RB1: variants seen among roughly 807,000 people sequenced by gnomAD.
The protein encoded by RB1 is retinoblastoma-associated protein.
Under a neutral mutation model 135.4 loss-of-function variants are expected in RB1, and 18 were observed. The observed-to-expected ratio is 0.13, with a 90% CI of 0.09 to 0.20. The LOEUF (loss-of-function observed/expected upper bound fraction) is 0.20. RB1 is among the 10% of genes least tolerant of loss of function. The pLI is 1.00. For missense variants in RB1, 868 were observed against 1,110.0 expected (o/e 0.78, Z 3.10); for synonymous variants, 365 against 373.2 (o/e 0.98, Z 0.25).
At chr13:48,309,040 C>G (rs1483824372) in intron 2 of RB1, among the ~76,000 whole-genome samples, 1 of 151,944 alleles carries the variant, frequency 6.6e-6, no homozygotes, top group Non-Finnish European at 1.5e-5. Context: ...TTTTTTCCAA[C>G]TTTTTGATGC....
intron 17 of RB1, among the ~76,000 whole-genome samples, chr13:48,382,641 G>A (rs967023465): frequency 1.7e-4 from 26 of 152,124 alleles, no homozygotes; most frequent in Admixed American, 3.3e-4. Flanking sequence ...CCATTCTGTA[G>A]GTTGCCTGTT....
chr13:48,389,766 T>A, intron 17 of RB1: 1 of 152,230 alleles, frequency 6.6e-6, no homozygotes, highest in Non-Finnish European at 1.5e-5. Context: ...CTTCCTCCCA[T>A]CCTCCCTCCC....
chr13:48,412,636 A>G, intron 17 of RB1: 1 of 593,376 alleles, frequency 1.7e-6, no homozygotes, highest in Non-Finnish European at 3.1e-6. Flanking sequence ...CAACAGGAAA[A>G]TATTTTCATT....
At chr13:48,444,891 C>T in intron 17 of RB1, 1 of 152,140 alleles carries the variant, frequency 6.6e-6, no homozygotes, top group East Asian at 1.9e-4. Context: ...CCCCTGAGGC[C>T]TACCACACCA....
chr13:48,426,067 G>T (rs1343686137), intron 17 of RB1, among the ~76,000 whole-genome samples: 3 of 152,126 alleles, frequency 2.0e-5, no homozygotes, highest in African/African-American at 4.8e-5. Context: ...AAAGCACTGT[G>T]ACCTAGAGAT....
intron 26 of RB1, among the ~76,000 whole-genome samples, chr13:48,479,556 C>T (rs984562952): frequency 1.3e-5 from 2 of 151,716 alleles, no homozygotes; most frequent in South Asian, 2.1e-4. Flanking sequence ...TACATACATA[C>T]GTATTTTTGT....
chr13:48,480,021 A>G lies in RB1; in HGVS notation c.2737A>G (p.Lys913Glu). ...EMTSTRTRMQ[K>E]QKMNDSMDTS... ...AGCTTCTACTCGAACACGAATGCAA[A>G]AGCAGAAAATGAATGATAGCATGGA... Residue 913 changes from lysine (K) to glutamate (E), a missense_variant, in exon 27 of 27, where the codon AAG becomes GAG. Coordinates refer to ENST00000267163, the MANE Select transcript of RB1 (RefSeq NM_000321.3). 6.2e-7 allele frequency: 1 copy of G among 1,613,500 alleles called. No homozygotes were observed. The highest frequency in any genetic ancestry group is 8.5e-7 in the Non-Finnish European group (1 of 1,179,590).
chr13:48,313,096 T>G (rs971889497), intron 2 of RB1, among the ~76,000 whole-genome samples: 1 of 152,180 alleles, frequency 6.6e-6, no homozygotes, highest in Non-Finnish European at 1.5e-5. Context: ...CTGTGTTCTC[T>G]TCCCTTCCAT....
chr13:48,346,098 T>A, intron 4 of RB1, among the ~76,000 whole-genome samples: 3 of 71,566 alleles, frequency 4.2e-5, no homozygotes, highest in Non-Finnish European at 3.2e-5. Context: ...GCATTGGCCA[T>A]CTTTTTTTTT....
rs1199382891 is a variant in RB1, at chr13:48,320,561, A to C, written c.264+13155A>C. On this transcript the variant is annotated intron_variant, in intron 2 of 26. Coordinates refer to ENST00000267163, the MANE Select transcript of RB1 (RefSeq NM_000321.3). Reference sequence around the variant, plus strand: ...ACTCAAAAGGTTGGCAGCGGGGTGCAGTGGCTCAAGCCCGTAATCACAGCA... The same window carrying C: ...ACTCAAAAGGTTGGCAGCGGGGTGCCGTGGCTCAAGCCCGTAATCACAGCA... 4 of 460,668 alleles carry C rather than the reference A, an allele frequency of 8.7e-6. No individual in the cohort carries two copies. In the Admixed American group the frequency reaches 1.4e-4, roughly 16 times the overall value. 28.5% of individuals were successfully genotyped at this position (460,668 alleles called of 1,614,324 possible).
At chr13:48,323,042 TG>T (rs1437446317) in intron 2 of RB1, among the ~76,000 whole-genome samples, 1 of 152,130 alleles carries the variant, frequency 6.6e-6, no homozygotes, top group Non-Finnish European at 1.5e-5. Flanking sequence ...CAGAATGGAC[TG>T]GGAAGTGTTC....
chr13:48,361,276 CT>C (rs1467582197), intron 7 of RB1, among the ~76,000 whole-genome samples: 1 of 151,996 alleles, frequency 6.6e-6, no homozygotes, highest in South Asian at 2.1e-4. Flanking sequence ...TCTAAGTGCT[CT>C]GTTAAAGAGC....
chr13:48,371,418 G>A (rs1593450575), intron 11 of RB1, among the ~76,000 whole-genome samples: 1 of 152,144 alleles, frequency 6.6e-6, no homozygotes, highest in Non-Finnish European at 1.5e-5. Flanking sequence ...TGAGGAATAT[G>A]CCTAGGCCTT....
intron 17 of RB1, among the ~76,000 whole-genome samples, chr13:48,413,436 G>A (rs1948853586): frequency 1.3e-5 from 2 of 152,056 alleles, no homozygotes; most frequent in Admixed American, 1.3e-4. Context: ...TTCGTGTTTG[G>A]GATATGACAA....
intron 21 of RB1, among the ~76,000 whole-genome samples, chr13:48,464,489 A>C (rs1949424397): frequency 6.6e-6 from 1 of 152,246 alleles, no homozygotes; most frequent in Non-Finnish European, 1.5e-5. Flanking sequence ...AGTGAAATCT[A>C]ACTATCACTA....
At chr13:48,460,225 C>G (rs1949396420) in intron 20 of RB1, among the ~76,000 whole-genome samples, 1 of 151,900 alleles carries the variant, frequency 6.6e-6, no homozygotes, top group South Asian at 2.1e-4. Context: ...TACCTAAGGC[C>G]TCCCAAAGTG....
chr13:48,476,816 T>C lies in RB1; in HGVS notation c.2636T>C (p.Ile879Thr), dbSNP rs764140783. 1.9e-6 allele frequency: 3 copies of C among 1,613,562 alleles called. No individual in the cohort carries two copies. The highest frequency in any genetic ancestry group is 1.6e-4 in the Middle Eastern group (1 of 6,084). ...PKPLKKLRFD[I>T]EGSDEADGSK... is the part of the protein sequence containing the mutation. ...CCACTGAAAAAACTACGCTTTGATA[T>C]TGAAGGATCAGATGAAGCAGATGGA... is the stretch of plus-strand genomic sequence containing the variant. The change falls in exon 25 of 27, where the codon ATT becomes ACT. Residue 879 changes from isoleucine (I) to threonine (T), a missense_variant. Ile to Thr is a moderately conservative substitution (Grantham distance 89, BLOSUM62 -1). Transcript: ENST00000267163.
chr13:48,416,026 CTG>C (rs1175785091), intron 17 of RB1, among the ~76,000 whole-genome samples: 1 of 151,992 alleles, frequency 6.6e-6, no homozygotes, highest in South Asian at 2.1e-4. Flanking sequence ...CTCAGGCAAA[CTG>C]TTATTTTAAT....
intron 17 of RB1, among the ~76,000 whole-genome samples, chr13:48,451,038 A>G (rs1419890720): frequency 6.6e-6 from 1 of 152,122 alleles, no homozygotes; most frequent in African/African-American, 2.4e-5. Context: ...TGTATCTGAG[A>G]GTTTGCTGAA....
Sources: allele counts gnomAD v4.1 joint callset (sites outside exome capture counted in the v4.1 genomes callset), GRCh38; gene constraint gnomAD v4.1.1; transcripts MANE v1.5; gene names NCBI Gene and HGNC (gene_info 2026-07-23, HGNC 2026-07-21).